ZNF430: variants seen among roughly 807,000 people sequenced by gnomAD.
The protein encoded by ZNF430 is zinc finger protein 430.
A neutral mutation model predicts 56.7 loss-of-function variants in ZNF430; 35 were observed. The ratio of observed to expected loss-of-function variants is 0.62; its 90% confidence interval spans 0.47 to 0.82. The LOEUF (loss-of-function observed/expected upper bound fraction) is 0.82, where lower values mean the gene tolerates loss of function less well. Ranked by LOEUF, ZNF430 falls within the 40% of genes least tolerant of loss-of-function variation. The pLI is 0.00. For synonymous variants in ZNF430, 212 were observed against 224.3 expected (o/e 0.94, Z 0.49); for missense variants, 574 against 661.0 (o/e 0.87, Z 1.44).
chr19:21,042,781 C>T (rs532604842), intron 4 of ZNF430, among the ~76,000 whole-genome samples: 6 of 150,114 alleles, frequency 4.0e-5, no homozygotes, highest in East Asian at 2.0e-4. Flanking sequence ...AGTGAGACTC[C>T]ATCTAAAAAA....
chr19:21,050,501 T>C (rs1225400890), intron 4 of ZNF430, among the ~76,000 whole-genome samples: 1 of 152,212 alleles, frequency 6.6e-6, no homozygotes, highest in East Asian at 1.9e-4. Flanking sequence ...TTTTATGACT[T>C]GTATATTTGT....
At chr19:21,032,728 A>C (rs1453445130) in intron 2 of ZNF430, among the ~76,000 whole-genome samples, 1 of 152,110 alleles carries the variant, frequency 6.6e-6, no homozygotes, top group African/African-American at 2.4e-5. Flanking sequence ...ACTCCATCTC[A>C]AAGAAAAAAA....
rs965906544 is a variant in ZNF430 at position 21,056,615 on chromosome 19, T to C, written c.323-16T>C. The C allele has an allele frequency of 2.0e-6, 3 of 1,487,774 alleles. No individual in the cohort carries two copies. The highest frequency in any genetic ancestry group is 2.7e-6 in the Non-Finnish European group (3 of 1,117,590). 92.2% of individuals were successfully genotyped at this position (1,487,774 alleles called of 1,614,324 possible). Reference sequence around the variant, plus strand: ...GTCTAGTAAATGGAGTAATTTGTTATTTTTATTTCTTTCAGTTACATATTC... The same window carrying C: ...GTCTAGTAAATGGAGTAATTTGTTACTTTTATTTCTTTCAGTTACATATTC... On this transcript the variant is annotated splice_polypyrimidine_tract_variant and intron_variant, in intron 4 of 4. Coordinates refer to ENST00000261560, the MANE Select transcript of ZNF430 (RefSeq NM_025189.4).
At chr19:21,054,632 A>G (rs1968338525) in intron 4 of ZNF430, among the ~76,000 whole-genome samples, 1 of 132,950 alleles carries the variant, frequency 7.5e-6, no homozygotes, top group African/African-American at 2.9e-5. Context: ...CTTTGTGTGT[A>G]TCCTAGTTTG....
At chr19:21,031,180 G>A (rs1012970383) in intron 2 of ZNF430, among the ~76,000 whole-genome samples, 1 of 152,008 alleles carries the variant, frequency 6.6e-6, no homozygotes, top group Non-Finnish European at 1.5e-5. Context: ...CACCGCGCCC[G>A]GCCTCTGCCC....
intron 2 of ZNF430, among the ~76,000 whole-genome samples, chr19:21,032,014 A>T (rs1225767653): frequency 2.0e-5 from 3 of 152,182 alleles, no homozygotes; most frequent in African/African-American, 7.2e-5. Flanking sequence ...TATAATCGGC[A>T]CTACTAAAAA....
intron 4 of ZNF430, among the ~76,000 whole-genome samples, chr19:21,054,527 T>G (rs1037538494): frequency 6.6e-6 from 1 of 152,144 alleles, no homozygotes; most frequent in Non-Finnish European, 1.5e-5. Flanking sequence ...AGACTATGCT[T>G]GCAAATGACA....
intron 4 of ZNF430, among the ~76,000 whole-genome samples, chr19:21,037,379 A>G (rs931127167): frequency 2.0e-5 from 3 of 152,082 alleles, no homozygotes; most frequent in African/African-American, 4.8e-5. Flanking sequence ...CGGCCTCCCA[A>G]AGTGCTGGGA....
intron 2 of ZNF430, among the ~76,000 whole-genome samples, 200 bp downstream of exon 2, chr19:21,023,081 CAG>C (rs1328896996): frequency 1.3e-5 from 2 of 152,002 alleles, no homozygotes; most frequent in Non-Finnish European, 2.9e-5. Context: ...ACATTTGTGA[CAG>C]AAAAAATAGT....
intron 4 of ZNF430, among the ~76,000 whole-genome samples, chr19:21,054,967 C>G (rs1968347905): frequency 6.6e-6 from 1 of 151,952 alleles, no homozygotes; most frequent in Admixed American, 6.6e-5. Context: ...AGCCACCGCG[C>G]CCGGCCGTCA....
chr19:21,022,835 G>T lies in ZNF430; in HGVS notation c.50G>T (p.Cys17Phe). Residue 17 changes from cysteine to phenylalanine, a missense_variant, in exon 2 of 5, where the codon TGC (cysteine) becomes TTC (phenylalanine). Cys to Phe is a radical substitution (Grantham distance 205, BLOSUM62 -2). Transcript: ENST00000261560. ...GVYPLKEASGCPGADRNLLVY... is the reference protein window; with the variant it reads ...GVYPLKEASGFPGADRNLLVY... ...TATCCTCTCAAGGAAGCAAGTGGAT[G>T]CCCTGGGGCTGACAGGAATCTTCTG... is the stretch of plus-strand genomic sequence containing the variant. The T allele has an allele frequency of 1.1e-5, 18 of 1,614,006 alleles. No individual in the cohort carries two copies. The highest frequency in any genetic ancestry group is 1.4e-5 in the Non-Finnish European group (17 of 1,179,922).
At chr19:21,044,829 A>T (rs1451193076) in intron 4 of ZNF430, among the ~76,000 whole-genome samples, 1 of 152,048 alleles carries the variant, frequency 6.6e-6, no homozygotes, top group Non-Finnish European at 1.5e-5. Context: ...GTGTCCAGTA[A>T]TTTATCTACT....
At chr19:21,023,008 T>C in intron 2 of ZNF430, 127 bp downstream of exon 2, 1 of 649,674 alleles carries the variant, frequency 1.5e-6, no homozygotes, top group Non-Finnish European at 2.7e-6. Context: ...CTCTGGATTG[T>C]CTAAGGGGGC....
In ZNF430 at chr19:21,034,179, C is replaced by A. The variant is rs778511183; in HGVS notation, c.317C>A (p.Pro106His). ...NMKRHAMVDQ[P>H]PVTYSHFAQD... ...AAGAGACATGCGATGGTAGATCAAC[C>A]CCCAGGTAGGTGAGAGTGAACACAA... The change falls in exon 4 of 5, where the codon CCC becomes CAC. Residue 106 changes from proline (P) to histidine (H), a missense_variant. Pro to His is a moderately conservative substitution (Grantham distance 77, BLOSUM62 -2). Around this residue, in one of 3 missense-constraint regions of ZNF430, gnomAD observed 346 missense variants for 399.1 expected, o/e 0.87. Transcript: ENST00000261560. 2 of 1,593,884 alleles carry A rather than the reference C, an allele frequency of 1.3e-6. No individual in the cohort carries two copies. The highest frequency in any genetic ancestry group is 1.7e-5 in the Admixed American group (1 of 59,062).
intron 3 of ZNF430, 131 bp from the exon 4 acceptor site, chr19:21,033,955 T>C (rs1451624733): frequency 6.2e-6 from 4 of 649,468 alleles, no homozygotes; most frequent in African/African-American, 5.7e-5. Flanking sequence ...TACTTAGAAA[T>C]TTCTGTTATA....
intron 4 of ZNF430, among the ~76,000 whole-genome samples, chr19:21,054,715 G>C (rs531766502): frequency 8.9e-6 from 1 of 112,266 alleles, no homozygotes; most frequent in African/African-American, 3.4e-5. Flanking sequence ...TCGCTCTGTC[G>C]CCCAGGCTGG....
At chr19:21,026,013 G>T in intron 2 of ZNF430, 1 of 380,692 alleles carries the variant, frequency 2.6e-6, no homozygotes, top group South Asian at 2.1e-5. Flanking sequence ...CAGATCCATG[G>T]CATGGTTTCC....
chr19:21,033,218 G>T (rs1967933735), intron 2 of ZNF430, among the ~76,000 whole-genome samples: 1 of 151,930 alleles, frequency 6.6e-6, no homozygotes. Context: ...GCCGAATGTA[G>T]TGGTGCATGC....
At chr19:21,032,416 A>G (rs1040081818) in intron 2 of ZNF430, among the ~76,000 whole-genome samples, 3 of 152,178 alleles carry the variant, frequency 2.0e-5, no homozygotes, top group African/African-American at 4.8e-5. Flanking sequence ...GTGTTCTTCT[A>G]TGTGCATCAG....
Sources: allele counts gnomAD v4.1 joint callset (sites outside exome capture counted in the v4.1 genomes callset), GRCh38; gene constraint gnomAD v4.1.1; regional missense constraint gnomAD v4.1.1; transcripts MANE v1.5; gene names NCBI Gene and HGNC (gene_info 2026-07-23, HGNC 2026-07-21).